CSMD3: variants seen among roughly 807,000 people sequenced by gnomAD.
The protein encoded by CSMD3 is CUB and Sushi multiple domains 3.
CSMD3 carries 177 observed loss-of-function variants against 435.2 expected under a neutral mutation model. That is an observed-to-expected ratio of 0.41 (90% CI 0.36 to 0.46). The LOEUF (loss-of-function observed/expected upper bound fraction) is 0.46. Ranked by LOEUF, CSMD3 falls within the 20% of genes least tolerant of loss-of-function variation. The pLI, the probability that CSMD3 is intolerant of heterozygous loss-of-function variation, is 0.34. For synonymous variants in CSMD3, 1,656 were observed against 1,520.5 expected, an observed-to-expected ratio of 1.09 and a Z score of -2.07; for missense variants, 4,265 against 4,504.6, an observed-to-expected ratio of 0.95 and a Z score of 1.52.
At chr8:112,355,812 G>C (rs1453897570) in intron 38 of CSMD3, among the ~76,000 whole-genome samples, 1 of 151,800 alleles carries the variant, frequency 6.6e-6, no homozygotes, top group South Asian at 2.1e-4. Context: ...CAGCCTGGGC[G>C]ACAGAGCTGG....
chr8:112,778,489 C>A (rs967198712), intron 13 of CSMD3, among the ~76,000 whole-genome samples: 1 of 151,916 alleles, frequency 6.6e-6, no homozygotes. Context: ...TGATTTCTTT[C>A]ACTTAGTAAA....
chr8:113,219,466 C>T (rs571700265), intron 3 of CSMD3, among the ~76,000 whole-genome samples: 1 of 150,820 alleles, frequency 6.6e-6, no homozygotes, highest in African/African-American at 2.4e-5. Context: ...AAATCTCATA[C>T]CAAAGTAACA....
chr8:112,589,292 C>G (rs1177485560), intron 22 of CSMD3, among the ~76,000 whole-genome samples: 2 of 152,062 alleles, frequency 1.3e-5, no homozygotes, highest in Non-Finnish European at 2.9e-5. Flanking sequence ...TACTACTGGC[C>G]CTTGGCCACA....
At chr8:113,305,205 G>T (rs1004635298) in intron 2 of CSMD3, among the ~76,000 whole-genome samples, 1 of 151,086 alleles carries the variant, frequency 6.6e-6, no homozygotes, top group Admixed American at 6.6e-5. Context: ...AATGATAGAT[G>T]ATGAGTTAGT....
rs2130787069 is a variant in CSMD3, at chr8:112,306,076, C to G, written c.8002G>C (p.Glu2668Gln). ...CNDGYRLSSK[E>Q]LTTAVCQSDG... is the part of the protein sequence containing the mutation. ...GATTGGCATACAGCTGTAGTGAGTTCTTTGGATGACAATCGATATCCATCA... is the reference window on the plus strand; with the variant it reads ...GATTGGCATACAGCTGTAGTGAGTTGTTTGGATGACAATCGATATCCATCA... Residue 2668 changes from glutamate (E) to glutamine (Q), a missense_variant, in exon 51 of 71, where the codon GAA becomes CAA. Physicochemically the swap from Glu to Gln is conservative, Grantham distance 29 (BLOSUM62 2). Around this residue, in one of 3 missense-constraint regions of CSMD3, gnomAD observed 3,255 missense variants for 3,380.2 expected, o/e 0.96. Transcript: ENST00000297405. 12 of 1,613,758 alleles carry G rather than the reference C, an allele frequency of 7.4e-6. No individual in the cohort carries two copies. The highest frequency in any genetic ancestry group is 1.0e-5 in the Non-Finnish European group (12 of 1,179,750).
chr8:112,752,547 TATC>T (rs1182443665), intron 13 of CSMD3, among the ~76,000 whole-genome samples: 1 of 152,148 alleles, frequency 6.6e-6, no homozygotes, highest in African/African-American at 2.4e-5. Context: ...GAGGATACAA[TATC>T]ATCATATTGC....
chr8:112,588,440 A>T (rs1830910015), intron 22 of CSMD3, among the ~76,000 whole-genome samples: 1 of 151,004 alleles, frequency 6.6e-6, no homozygotes, highest in African/African-American at 2.4e-5. Flanking sequence ...ACACAATAAA[A>T]GTTACCCCTA....
At chr8:112,511,999 T>C (rs1467958156) in intron 28 of CSMD3, among the ~76,000 whole-genome samples, 1 of 152,146 alleles carries the variant, frequency 6.6e-6, no homozygotes, top group Non-Finnish European at 1.5e-5. Flanking sequence ...TCCTGTCCCA[T>C]ATTCAGGCTC....
intron 7 of CSMD3, among the ~76,000 whole-genome samples, chr8:112,966,304 ATTAG>A (rs539386081): frequency 3.4e-4 from 51 of 151,810 alleles, no homozygotes; most frequent in African/African-American, 1.1e-3. Context: ...AAATAAATAC[ATTAG>A]TTAGTCTCAT....
chr8:113,387,968 G>A (rs16892647), intron 1 of CSMD3, among the ~76,000 whole-genome samples: 3,419 of 151,712 alleles, frequency 0.023, 109 homozygotes, highest in African/African-American at 0.077. Context: ...GTATCAGGGA[G>A]AAGAACCAGA....
chr8:112,933,564 CTG>C (rs1399330122), intron 9 of CSMD3, among the ~76,000 whole-genome samples: 13 of 152,130 alleles, frequency 8.5e-5, no homozygotes, highest in Non-Finnish European at 1.8e-4. Flanking sequence ...GCATCACACT[CTG>C]ATACTCTGAA....
chr8:113,304,648 G>C (rs1390710330), intron 2 of CSMD3, among the ~76,000 whole-genome samples: 1 of 124,344 alleles, frequency 8.0e-6, no homozygotes, highest in African/African-American at 3.1e-5. Flanking sequence ...ATCATTCTCA[G>C]TAAACTATCA....
chr8:112,915,296 A>C (rs2082541417), intron 10 of CSMD3, among the ~76,000 whole-genome samples: 1 of 151,626 alleles, frequency 6.6e-6, no homozygotes, highest in Non-Finnish European at 1.5e-5. Flanking sequence ...TGGTTATTGC[A>C]GTCTTTTTTT....
At chr8:113,042,137 T>C (rs917509700) in intron 5 of CSMD3, among the ~76,000 whole-genome samples, 6 of 152,242 alleles carry the variant, frequency 3.9e-5, no homozygotes, top group Admixed American at 6.5e-5. Context: ...TGTATGTTTT[T>C]GTAAATTTTT....
intron 27 of CSMD3, among the ~76,000 whole-genome samples, chr8:112,518,055 C>A (rs2130995486): frequency 6.6e-6 from 1 of 152,186 alleles, no homozygotes; most frequent in African/African-American, 2.4e-5. Flanking sequence ...ATGGTAAATC[C>A]ATGCAATGGA....
intron 1 of CSMD3, among the ~76,000 whole-genome samples, chr8:113,390,746 T>C (rs757244648): frequency 1.4e-4 from 22 of 151,948 alleles, no homozygotes; most frequent in Non-Finnish European, 2.8e-4. Context: ...AATGAAGGAA[T>C]GAATGATGTG....
At chr8:112,551,457 C>A (rs1222917616) in intron 26 of CSMD3, among the ~76,000 whole-genome samples, 1 of 151,938 alleles carries the variant, frequency 6.6e-6, no homozygotes, top group African/African-American at 2.4e-5. Flanking sequence ...GTGCTTGGTG[C>A]AAAATTTAGA....
rs977478547 is a variant in CSMD3, at chr8:112,740,391, C to A, written c.1973-50341G>T. Among the ~76,000 whole-genome samples the A allele has an allele frequency of 2.6e-5, 4 of 151,326 alleles. No individual in the cohort carries two copies. In the Admixed American group the frequency reaches 2.6e-4, roughly 10 times the overall value. ...TTGTGTTTTTTTCACTTAAATAATA[C>A]ATGTCAGAAATTACTCCTTATCATT... On this transcript the variant is annotated intron_variant, in intron 13 of 70. Coordinates refer to ENST00000297405, the MANE Select transcript of CSMD3 (RefSeq NM_198123.2).
At position 112,693,812 on chromosome 8, in the gene CSMD3, G is replaced by A. The variant is rs147946219; in HGVS notation, c.1973-3762C>T. On this transcript the variant is annotated intron_variant, in intron 13 of 70. Coordinates refer to ENST00000297405, the MANE Select transcript of CSMD3 (RefSeq NM_198123.2). ...ATTAGGAATTTAGCCCTCATGTTGC[G>A]CAAACTTTCAACTTCTCATTTTTAG... Among the ~76,000 whole-genome samples, 569 of 151,408 alleles carry A rather than the reference G, an allele frequency of 3.8e-3. 7 individuals carry two copies. Among genetic ancestry groups the A allele is most frequent in the African/African-American group, 0.013 (538 of 41,352 alleles).
Sources: allele counts gnomAD v4.1 joint callset (sites outside exome capture counted in the v4.1 genomes callset), GRCh38; gene constraint gnomAD v4.1.1; regional missense constraint gnomAD v4.1.1; transcripts MANE v1.5; gene names NCBI Gene and HGNC (gene_info 2026-07-23, HGNC 2026-07-21).